Variants in NFAT5 observed in about 807,000 individuals in gnomAD.
NFAT5 encodes nuclear factor of activated T cells 5.
A neutral mutation model predicts 166.5 loss-of-function variants in NFAT5; 31 were observed. The observed-to-expected ratio is 0.19, with a 90% CI of 0.14 to 0.25. The LOEUF is 0.25. NFAT5 is among the 10% of genes least tolerant of loss of function. NFAT5 has a pLI of 1.00. For synonymous variants in NFAT5, 612 were observed against 639.7 expected, an observed-to-expected ratio of 0.96 and a Z score of 0.65; for missense variants, 1,449 against 1,821.8, an observed-to-expected ratio of 0.80 and a Z score of 3.72.
chr16:69,701,819 A>T lies in NFAT5; in HGVS notation c.*5468A>T, dbSNP rs2037903162. 1 of 152,178 alleles carries T rather than the reference A, an allele frequency of 6.6e-6. No homozygotes were observed. Among genetic ancestry groups the T allele is most frequent in the Non-Finnish European group, 1.5e-5 (1 of 68,036 alleles). The allele number at this position is 152,178 out of a possible 1,614,324, so 9.4% of individuals were successfully genotyped here. A position where few individuals can be genotyped will look rare whatever the true frequency, so the allele number is the denominator to read the frequency against. ...ACTTTTTTTTAACTAGACAGGGCAA[A>T]GTTGTTTATGTTAGTGTACTTCTTG... On this transcript the variant is annotated 3_prime_UTR_variant, in exon 15 of 15. Coordinates refer to ENST00000349945, the MANE Select transcript of NFAT5 (RefSeq NM_138713.4).
intron 10 of NFAT5, among the ~76,000 whole-genome samples, chr16:69,679,021 C>T (rs1046034498): frequency 3.9e-5 from 6 of 152,056 alleles, no homozygotes; most frequent in Non-Finnish European, 7.4e-5. Flanking sequence ...GCAACCTCTG[C>T]CTCCCAGGTT....
intron 13 of NFAT5, among the ~76,000 whole-genome samples, chr16:69,694,717 A>G (rs1478130995): frequency 6.6e-6 from 1 of 152,242 alleles, no homozygotes; most frequent in African/African-American, 2.4e-5. Flanking sequence ...TAAATATGGC[A>G]ATGTATAAAA....
At chr16:69,580,795 A>G (rs1200860333) in intron 2 of NFAT5, among the ~76,000 whole-genome samples, 1 of 151,946 alleles carries the variant, frequency 6.6e-6, no homozygotes, top group Non-Finnish European at 1.5e-5. Flanking sequence ...AGCTGGGACT[A>G]CAGGTGCCCG....
intron 2 of NFAT5, among the ~76,000 whole-genome samples, chr16:69,576,948 G>A (rs2016793725): frequency 6.6e-6 from 1 of 152,206 alleles, no homozygotes; most frequent in African/African-American, 2.4e-5. Flanking sequence ...TGGAAGCATG[G>A]ATGCCATTGT....
At chr16:69,591,967 A>T (rs1230074074) in intron 2 of NFAT5, among the ~76,000 whole-genome samples, 7 of 152,182 alleles carry the variant, frequency 4.6e-5, no homozygotes, top group Admixed American at 4.6e-4. Context: ...TTCCAAAGCT[A>T]TAAAAACTTT....
intron 6 of NFAT5, among the ~76,000 whole-genome samples, chr16:69,656,573 C>G: frequency 6.6e-6 from 1 of 151,968 alleles, no homozygotes; most frequent in East Asian, 1.9e-4. Context: ...CTGCCTCAGC[C>G]TCCCAAGTAG....
At chr16:69,570,416 C>T (rs2016361290) in intron 2 of NFAT5, among the ~76,000 whole-genome samples, 1 of 152,024 alleles carries the variant, frequency 6.6e-6, no homozygotes, top group African/African-American at 2.4e-5. Context: ...CCCATATACC[C>T]ATCACCACAG....
intron 2 of NFAT5, among the ~76,000 whole-genome samples, chr16:69,597,923 AAGTG>A (rs2032897813): frequency 6.6e-6 from 1 of 152,110 alleles, no homozygotes; most frequent in Non-Finnish European, 1.5e-5. Flanking sequence ...GTAGATAACT[AAGTG>A]AGGATTACCC....
At chr16:69,640,315 A>T (rs574193408) in intron 3 of NFAT5, among the ~76,000 whole-genome samples, 2 of 151,974 alleles carry the variant, frequency 1.3e-5, no homozygotes, top group African/African-American at 4.8e-5. Flanking sequence ...TTCCTTTCTT[A>T]CTTTTTGTTT....
chr16:69,600,047 G>C (rs1196463672), intron 2 of NFAT5, among the ~76,000 whole-genome samples: 1 of 152,076 alleles, frequency 6.6e-6, no homozygotes, highest in Non-Finnish European at 1.5e-5. Flanking sequence ...AGTAGTTCAG[G>C]TGAGATGATT....
chr16:69,692,426 A>G lies in NFAT5; in HGVS notation c.2601A>G (p.Thr867=), dbSNP rs894702419. Residue 867 remains threonine (T), a synonymous_variant, in exon 13 of 15, where the codon ACA becomes ACG. Transcript: ENST00000349945. ...SGVSPGMFSS[T]EPTVHTRPDN... is the part of the protein sequence containing the mutation. ...TAAGCCCTGGAATGTTTTCCTCAACAGAGCCAACAGTCCATACCAGACCAG... is the reference window on the plus strand; with the variant it reads ...TAAGCCCTGGAATGTTTTCCTCAACGGAGCCAACAGTCCATACCAGACCAG... 9 of 1,614,128 alleles carry G rather than the reference A, an allele frequency of 5.6e-6. No individual in the cohort carries two copies. In the Admixed American group the frequency reaches 1.3e-4, roughly 24 times the overall value.
At chr16:69,605,022 C>T (rs914604103) in intron 2 of NFAT5, among the ~76,000 whole-genome samples, 1 of 152,160 alleles carries the variant, frequency 6.6e-6, no homozygotes, top group Non-Finnish European at 1.5e-5. Flanking sequence ...CCTATAATAG[C>T]ATATGTGTAC....
At chr16:69,683,972 G>A (rs548791792) in intron 10 of NFAT5, among the ~76,000 whole-genome samples, 3 of 152,136 alleles carry the variant, frequency 2.0e-5, no homozygotes, top group African/African-American at 7.2e-5. Flanking sequence ...GATGGTGTGC[G>A]CCTGTAGTCC....
rs1330385382 is a variant in NFAT5, at chr16:69,588,978, TTC to T, written c.127+20432_127+20433del. On this transcript the variant is annotated intron_variant, in intron 2 of 14. Transcript: ENST00000349945. Reference sequence around the variant, plus strand: ...TGGACCCTCCCTCCTCTTTTCCTACTTCTTTTTTTTTTTTTTTTTTTTTTTTT... The same window carrying T: ...TGGACCCTCCCTCCTCTTTTCCTACTTTTTTTTTTTTTTTTTTTTTTTTTT... Among the ~76,000 whole-genome samples the T allele has an allele frequency of 6.0e-4, 76 of 126,938 alleles. 2 individuals carry two copies. The highest frequency in any genetic ancestry group is 2.5e-3 in the African/African-American group (70 of 27,652). 83.3% of individuals were successfully genotyped at this position (126,938 alleles called of 152,430 possible). A position where few individuals can be genotyped will look rare whatever the true frequency, so the allele number is the denominator to read the frequency against.
intron 3 of NFAT5, among the ~76,000 whole-genome samples, chr16:69,641,033 AC>A (rs1030914733): frequency 1.3e-5 from 2 of 151,774 alleles, no homozygotes; most frequent in African/African-American, 4.8e-5. Context: ...TAATCCCAGC[AC>A]TTTGAGAGGC....
At chr16:69,677,599 C>T (rs2036880692) in intron 10 of NFAT5, among the ~76,000 whole-genome samples, 3 of 152,192 alleles carry the variant, frequency 2.0e-5, no homozygotes, top group African/African-American at 7.2e-5. Context: ...AGCTATCTGA[C>T]AGGTTACTCC....
intron 3 of NFAT5, among the ~76,000 whole-genome samples, chr16:69,638,580 C>G (rs1046794931): frequency 1.3e-5 from 2 of 151,538 alleles, no homozygotes; most frequent in Non-Finnish European, 1.5e-5. Context: ...CTAAAAAATA[C>G]AAAAAATTAG....
At chr16:69,598,901 C>T (rs1318660627) in intron 2 of NFAT5, among the ~76,000 whole-genome samples, 1 of 151,636 alleles carries the variant, frequency 6.6e-6, no homozygotes, top group Non-Finnish European at 1.5e-5. Flanking sequence ...GTAATTCCAG[C>T]TACTCAGGAG....
chr16:69,603,142 G>A (rs1386884815), intron 2 of NFAT5, among the ~76,000 whole-genome samples: 1 of 151,958 alleles, frequency 6.6e-6, no homozygotes, highest in Non-Finnish European at 1.5e-5. Context: ...TAAAATGTTA[G>A]AATGGTGATC....
Sources: allele counts gnomAD v4.1 joint callset (sites outside exome capture counted in the v4.1 genomes callset), GRCh38; gene constraint gnomAD v4.1.1; transcripts MANE v1.5; gene names NCBI Gene and HGNC (gene_info 2026-07-23, HGNC 2026-07-21).